Variants in RHBDD2 observed in about 807,000 individuals in gnomAD.
RHBDD2 encodes rhomboid domain containing 2, also known as rhomboid domain-containing protein 2.
Under a neutral mutation model 21.7 loss-of-function variants are expected in RHBDD2, and 13 were observed. That is an observed-to-expected ratio of 0.60 (90% CI 0.39 to 0.95). RHBDD2 has a LOEUF of 0.95. Ranked by LOEUF, RHBDD2 falls within the 40% of genes least tolerant of loss-of-function variation. The pLI is 0.00. For synonymous variants in RHBDD2, 225 were observed against 220.0 expected, an observed-to-expected ratio of 1.02 and a Z score of -0.20; for missense variants, 473 against 478.9, an observed-to-expected ratio of 0.99 and a Z score of 0.11.
In RHBDD2 at chr7:75,888,374, ACTTGG is replaced by A; in HGVS notation, c.*27_*31del. On this transcript the variant is annotated 3_prime_UTR_variant, in exon 4 of 4. Transcript: ENST00000006777. ...AGAGAATTTCTAGGGAAGTCATCTC[ACTTGG>A]CCTTCTGAAGGTCCTCCCTAAGAGT... 1 of 1,579,186 alleles carries A rather than the reference ACTTGG, an allele frequency of 6.3e-7. No homozygotes were observed. Among genetic ancestry groups the A allele is most frequent in the Non-Finnish European group, 8.6e-7 (1 of 1,159,414 alleles).
At chr7:75,882,938 G>T (rs1206054223) in intron 2 of RHBDD2, among the ~76,000 whole-genome samples, 1 of 152,146 alleles carries the variant, frequency 6.6e-6, no homozygotes. Flanking sequence ...TGGTGACAGG[G>T]TATGGAGGAA....
At chr7:75,883,562 C>G (rs1585058149) in intron 2 of RHBDD2, 136 bp from the exon 3 acceptor site, 4 of 733,844 alleles carry the variant, frequency 5.5e-6, no homozygotes, top group Middle Eastern at 4.0e-4. Context: ...CCCTGAGCTG[C>G]AAACTCCAGC....
At chr7:75,886,022 A>G (rs981523052) in intron 3 of RHBDD2, among the ~76,000 whole-genome samples, 1 of 152,160 alleles carries the variant, frequency 6.6e-6, no homozygotes, top group Non-Finnish European at 1.5e-5. Flanking sequence ...GCGTGCCACT[A>G]TACCCGGCTA....
In RHBDD2 at chr7:75,881,935, C is replaced by T; in HGVS notation, c.285C>T (p.Gly95=). Residue 95 remains glycine, a synonymous_variant, in exon 2 of 4, where the codon GGC becomes GGT. Coordinates refer to ENST00000006777, the MANE Select transcript of RHBDD2 (RefSeq NM_001040456.3). ...CTGGCAATTTCGAGAGAACCGTGGG[C>T]ACCGTCCGCCACTGCTTCTTCACCG... is the stretch of plus-strand genomic sequence containing the variant. ...RFAGNFERTV[G]TVRHCFFTVI... The T allele has an allele frequency of 6.2e-7, 1 of 1,614,256 alleles. No individual in the cohort carries two copies. Among genetic ancestry groups the T allele is most frequent in the Non-Finnish European group, 8.5e-7 (1 of 1,180,050 alleles).
rs1554544733 is a variant in RHBDD2 at position 75,888,814 on chromosome 7, C to G, written c.*465C>G. 1 of 170,122 alleles carries G rather than the reference C, an allele frequency of 5.9e-6. No homozygotes were observed. Among genetic ancestry groups the G allele is most frequent in the Non-Finnish European group, 1.3e-5 (1 of 78,908 alleles). The allele number at this position is 170,122 out of a possible 1,614,324, so 10.5% of individuals were successfully genotyped here. The stretch of plus-strand genomic sequence containing the variant: ...GTGTCTCTCCCCTGCTGCGGGCGCC[C>G]CCACCCCGATTCCTCTCCCCAGAAG... On this transcript the variant is annotated 3_prime_UTR_variant, in exon 4 of 4. Transcript: ENST00000006777.
intron 1 of RHBDD2, chr7:75,881,591 C>A: frequency 1.6e-6 from 2 of 1,249,442 alleles, no homozygotes; most frequent in Non-Finnish European, 2.2e-6. Flanking sequence ...AAGTCAGTTA[C>A]CGCTAAGAGT....
At chr7:75,879,330 G>C in intron 1 of RHBDD2, 70 bp downstream of exon 1, 1 of 1,357,042 alleles carries the variant, frequency 7.4e-7, no homozygotes. Context: ...CTGGGCTCTA[G>C]CCTCCGGGAC....
In RHBDD2 at chr7:75,888,661, T is replaced by C. The variant is rs1805848088; in HGVS notation, c.*312T>C. The C allele has an allele frequency of 5.4e-6, 2 of 371,136 alleles. No homozygotes were observed. The highest frequency in any genetic ancestry group is 1.0e-5 in the Non-Finnish European group (2 of 200,924). 23.0% of individuals were successfully genotyped at this position (371,136 alleles called of 1,614,324 possible). A position where few individuals can be genotyped will look rare whatever the true frequency, so the allele number is the denominator to read the frequency against. ...GGCAGCAGTTGGCAGTAGCTGCCGA[T>C]GTCTGTCCCCAGCTCCACCATTCCT... On this transcript the variant is annotated 3_prime_UTR_variant, in exon 4 of 4. Coordinates refer to ENST00000006777, the MANE Select transcript of RHBDD2 (RefSeq NM_001040456.3).
At chr7:75,885,432 G>A (rs1004999696) in intron 3 of RHBDD2, among the ~76,000 whole-genome samples, 1 of 152,128 alleles carries the variant, frequency 6.6e-6, no homozygotes, top group Non-Finnish European at 1.5e-5. Flanking sequence ...AGTGCCTCCT[G>A]CCTCTGAGTT....
chr7:75,883,857 C>T lies in RHBDD2; in HGVS notation c.737+9C>T, dbSNP rs1457366658. ...GCAGCCCAGAGCCGGAAGTAAGTGACAGAACTCTTAAGTGCTGTTAAATCT... is the reference window on the plus strand; with the variant it reads ...GCAGCCCAGAGCCGGAAGTAAGTGATAGAACTCTTAAGTGCTGTTAAATCT... On this transcript the variant is annotated intron_variant, in intron 3 of 3. Transcript: ENST00000006777. 2 of 1,602,902 alleles carry T rather than the reference C, an allele frequency of 1.2e-6. No individual in the cohort carries two copies. Among genetic ancestry groups the T allele is most frequent in the Admixed American group, 3.5e-5 (2 of 56,680 alleles).
chr7:75,880,471 G>A (rs140127068), intron 1 of RHBDD2, among the ~76,000 whole-genome samples: 5 of 152,220 alleles, frequency 3.3e-5, no homozygotes, highest in East Asian at 3.9e-4. Flanking sequence ...TGTGGGTTTC[G>A]TGGATATGTG....
intron 1 of RHBDD2, among the ~76,000 whole-genome samples, chr7:75,880,803 G>A (rs1805279584): frequency 6.6e-6 from 1 of 152,128 alleles, no homozygotes; most frequent in South Asian, 2.1e-4. Flanking sequence ...ATAGCTCACT[G>A]CAGCGTTCAA....
At chr7:75,885,380 C>T (rs1805598797) in intron 3 of RHBDD2, among the ~76,000 whole-genome samples, 1 of 152,080 alleles carries the variant, frequency 6.6e-6, no homozygotes, top group Admixed American at 6.6e-5. Context: ...GGAAGCACGT[C>T]CCCTGCTTAG....
At position 75,880,026 on chromosome 7, in the gene RHBDD2, A is replaced by G. The variant is rs150004927; in HGVS notation, c.178+766A>G. 3.3e-4 allele frequency among the ~76,000 whole-genome samples: 51 copies of G among 152,364 alleles called. No individual in the cohort carries two copies. The East Asian group carries it at 9.6e-3, about 29-fold the overall frequency. ...GTATTAATTTCGTTTAACCCTCACA[A>G]GGATCCCATGACGTAGGACCTGTTA... is the stretch of plus-strand genomic sequence containing the variant. On this transcript the variant is annotated intron_variant, in intron 1 of 3. Transcript: ENST00000006777.
rs543375185 is a variant in RHBDD2, at chr7:75,882,401, C to T, written c.586+165C>T. Among the ~76,000 whole-genome samples, 5 of 152,288 alleles carry T rather than the reference C, an allele frequency of 3.3e-5. No homozygotes were observed. The South Asian group carries it at 1.0e-3, about 32-fold the overall frequency. On this transcript the variant is annotated intron_variant, in intron 2 of 3. Transcript: ENST00000006777. ...GCAGTGGCAGGATCTCAACTCACTG[C>T]AACCTCTGCCTCCTGGGCTCAAGCA... is the stretch of plus-strand genomic sequence containing the variant.
chr7:75,879,685 A>T (rs1257303679), intron 1 of RHBDD2, among the ~76,000 whole-genome samples: 2 of 152,100 alleles, frequency 1.3e-5, no homozygotes, highest in African/African-American at 4.8e-5. Flanking sequence ...CTACATCACG[A>T]CAATTGGACT....
intron 1 of RHBDD2, 95 bp from the exon 2 acceptor site, chr7:75,881,734 G>T (rs1447005118): frequency 3.1e-5 from 40 of 1,274,074 alleles, no homozygotes; most frequent in Non-Finnish European, 4.0e-5. Context: ...CTCTGTCACG[G>T]AGGGGGGCTC....
rs782272787 is a variant in RHBDD2, at chr7:75,882,005, G to T, written c.355G>T (p.Ala119Ser). 3 of 1,614,212 alleles carry T rather than the reference G, an allele frequency of 1.9e-6. No homozygotes were observed. Among genetic ancestry groups the T allele is most frequent in the South Asian group, 2.2e-5 (2 of 91,086 alleles). Residue 119 changes from alanine (A) to serine (S), a missense_variant, in exon 2 of 4, where the codon GCT becomes TCT. By Grantham distance (99) the Ala-to-Ser change is moderately conservative. Transcript: ENST00000006777. Reference sequence around the variant, plus strand: ...CGCTATCATCTTCCTGTCATTCGAGGCTGTGTCATCACTGTCAAAGCTGGG... The same window carrying T: ...CGCTATCATCTTCCTGTCATTCGAGTCTGTGTCATCACTGTCAAAGCTGGG... Reference protein sequence around the residue: ...FSAIIFLSFEAVSSLSKLGEV... With the variant: ...FSAIIFLSFESVSSLSKLGEV...
rs1554541927 is a variant in RHBDD2 at position 75,879,096 on chromosome 7, G to T, written c.14G>T (p.Gly5Val). ...ACGACGGCGGCCATGGCGGCCTCGG[G>T]GCCCGGGTGTCGCAGCTGGTGCTTG... Reference protein sequence around the residue: MAASGPGCRSWCLCP... With the variant: MAASVPGCRSWCLCP... The change falls in exon 1 of 4, where the codon GGG (glycine) becomes GTG (valine). Residue 5 changes from glycine to valine, a missense_variant. Coordinates refer to ENST00000006777, the MANE Select transcript of RHBDD2 (RefSeq NM_001040456.3). 1.5e-6 allele frequency: 2 copies of T among 1,367,144 alleles called. No individual in the cohort carries two copies. The highest frequency in any genetic ancestry group is 1.7e-5 in the South Asian group (1 of 60,222). 84.7% of individuals were successfully genotyped at this position (1,367,144 alleles called of 1,614,324 possible). A position where few individuals can be genotyped will look rare whatever the true frequency, so the allele number is the denominator to read the frequency against.
Sources: gnomAD v4.1 joint callset for allele counts (sites outside exome capture counted in the v4.1 genomes callset) on GRCh38, gnomAD v4.1.1 for gene constraint, MANE v1.5 for transcripts, NCBI Gene and HGNC (gene_info 2026-07-23, HGNC 2026-07-21) for gene names.